ADAMTS17: variants seen among roughly 807,000 people sequenced by gnomAD.
ADAMTS17 encodes the protein ADAM metallopeptidase with thrombospondin type 1 motif 17.
A neutral mutation model predicts 141.5 loss-of-function variants in ADAMTS17; 113 were observed. That is an observed-to-expected ratio of 0.80 (90% CI 0.69 to 0.93). The LOEUF (loss-of-function observed/expected upper bound fraction) is 0.93. ADAMTS17 is among the 40% of genes least tolerant of loss of function. The pLI, the probability that ADAMTS17 is intolerant of heterozygous loss-of-function variation, is 0.00. For missense variants in ADAMTS17, 1,659 were observed against 1,517.9 expected, an observed-to-expected ratio of 1.09 and a Z score of -1.54; for synonymous variants, 768 against 630.6, an observed-to-expected ratio of 1.22 and a Z score of -3.27.
chr15:100,065,803 G>A (rs549764319), intron 15 of ADAMTS17, among the ~76,000 whole-genome samples: 46 of 152,190 alleles, frequency 3.0e-4, no homozygotes, highest in African/African-American at 8.9e-4. Flanking sequence ...TGCTGCACCC[G>A]TCAACCCATC....
At chr15:100,305,858 T>C (rs2045205402) in intron 3 of ADAMTS17, 1 of 152,224 alleles carries the variant, frequency 6.6e-6, no homozygotes, top group Non-Finnish European at 1.5e-5. Flanking sequence ...TCTAAAAATA[T>C]ATATAAATTT....
At chr15:100,023,078 A>C (rs1043804730) in intron 18 of ADAMTS17, among the ~76,000 whole-genome samples, 24 of 152,198 alleles carry the variant, frequency 1.6e-4, no homozygotes, top group African/African-American at 4.8e-4. Flanking sequence ...CACACAGGAG[A>C]CTGGCTGGCT....
chr15:99,981,769 T>TA (rs1419855681), intron 20 of ADAMTS17, among the ~76,000 whole-genome samples: 8 of 152,258 alleles, frequency 5.3e-5, no homozygotes, highest in African/African-American at 1.9e-4. Context: ...TGTTCTATAG[T>TA]AAGAGCTACT....
At chr15:100,241,247 T>C (rs1026481038) in intron 7 of ADAMTS17, among the ~76,000 whole-genome samples, 1 of 152,212 alleles carries the variant, frequency 6.6e-6, no homozygotes, top group African/African-American at 2.4e-5. Flanking sequence ...TTTTTAATTC[T>C]TCAGTAAAAA....
At chr15:100,158,860 C>A (rs77090649) in intron 8 of ADAMTS17, among the ~76,000 whole-genome samples, 3 of 152,034 alleles carry the variant, frequency 2.0e-5, no homozygotes, top group African/African-American at 7.2e-5. Flanking sequence ...CCAGCAGGCA[C>A]GTGAAAAGAT....
intron 7 of ADAMTS17, among the ~76,000 whole-genome samples, chr15:100,242,224 G>A (rs2042849242): frequency 6.6e-6 from 1 of 152,204 alleles, no homozygotes; most frequent in South Asian, 2.1e-4. Flanking sequence ...GCTTCGGCAT[G>A]ACTGACCTTG....
intron 8 of ADAMTS17, among the ~76,000 whole-genome samples, chr15:100,191,095 A>C (rs2040900488): frequency 6.6e-6 from 1 of 152,242 alleles, no homozygotes; most frequent in African/African-American, 2.4e-5. Flanking sequence ...AGAGTCTGGA[A>C]GTTCTGAGGG....
At chr15:100,316,914 A>C (rs542518019) in intron 3 of ADAMTS17, among the ~76,000 whole-genome samples, 2 of 152,334 alleles carry the variant, frequency 1.3e-5, no homozygotes, top group South Asian at 2.1e-4. Context: ...GGCTGTGTCC[A>C]TTCCCAGTCA....
chr15:100,198,743 C>G (rs193058746), intron 8 of ADAMTS17, among the ~76,000 whole-genome samples: 1 of 152,198 alleles, frequency 6.6e-6, no homozygotes, highest in East Asian at 1.9e-4. Context: ...ACCCCTCTGA[C>G]GCTCTGTTTC....
intron 20 of ADAMTS17, among the ~76,000 whole-genome samples, chr15:99,986,128 C>T (rs1034317692): frequency 6.6e-6 from 1 of 152,278 alleles, no homozygotes; most frequent in Non-Finnish European, 1.5e-5. Context: ...GTGGGGGCCA[C>T]AGCCAGGCAG....
chr15:100,325,849 G>C (rs149335792), intron 3 of ADAMTS17, among the ~76,000 whole-genome samples: 1 of 152,044 alleles, frequency 6.6e-6, no homozygotes, highest in East Asian at 1.9e-4. Flanking sequence ...AACACAAATC[G>C]ACTAACACAA....
In ADAMTS17 at chr15:100,254,142, T is replaced by C; in HGVS notation, c.1069A>G (p.Thr357Ala). The C allele has an allele frequency of 6.2e-7, 1 of 1,613,436 alleles. No homozygotes were observed. The highest frequency in any genetic ancestry group is 1.1e-5 in the South Asian group (1 of 91,060). The change falls in exon 7 of 22, where the codon ACT becomes GCT. Residue 357 changes from threonine to alanine, a missense_variant. Physicochemically the swap from Thr to Ala is moderately conservative, Grantham distance 58 (BLOSUM62 0). Transcript: ENST00000268070. ...ATTTCAACTCTAAACTTACCAACAG[T>C]GTCACACGGTTCATCCTTGTGTACA... Reference protein sequence around the residue: ...FCVHKDEPCDTVGIAYLGGVC... With the variant: ...FCVHKDEPCDAVGIAYLGGVC...
At chr15:100,081,970 GATA>G (rs1380848035) in intron 15 of ADAMTS17, among the ~76,000 whole-genome samples, 1 of 152,178 alleles carries the variant, frequency 6.6e-6, no homozygotes, top group Non-Finnish European at 1.5e-5. Context: ...ACTATAATTT[GATA>G]ATATTTGGAC....
intron 18 of ADAMTS17, among the ~76,000 whole-genome samples, chr15:100,021,864 C>CA: frequency 6.6e-6 from 1 of 152,226 alleles, no homozygotes; most frequent in Non-Finnish European, 1.5e-5. Context: ...CCTCTGCCTG[C>CA]ACGCCCTCCT....
chr15:100,055,651 T>C (rs557160375), intron 15 of ADAMTS17, among the ~76,000 whole-genome samples: 1 of 152,218 alleles, frequency 6.6e-6, no homozygotes, highest in East Asian at 1.9e-4. Flanking sequence ...GCCGAATCTG[T>C]TTCCCTTCAA....
chr15:100,055,236 G>A (rs995028415), intron 15 of ADAMTS17, among the ~76,000 whole-genome samples: 2 of 152,138 alleles, frequency 1.3e-5, no homozygotes, highest in African/African-American at 2.4e-5. Context: ...AGATTCTACT[G>A]CATTGACTGT....
In ADAMTS17 at chr15:99,973,622, A is replaced by C. The variant is rs2060256707; in HGVS notation, c.*780T>G. 6.6e-6 allele frequency: 1 copy of C among 152,192 alleles called. No homozygotes were observed. The highest frequency in any genetic ancestry group is 6.5e-5 in the Admixed American group (1 of 15,298). The allele number at this position is 152,192 out of a possible 1,614,324, so 9.4% of individuals were successfully genotyped here. A position where few individuals can be genotyped will look rare whatever the true frequency, so the allele number is the denominator to read the frequency against. On this transcript the variant is annotated 3_prime_UTR_variant, in exon 22 of 22. Transcript: ENST00000268070. The stretch of plus-strand genomic sequence containing the variant: ...CACCGCAATTACCGTTTCTTATGTC[A>C]CAGCACCTTGAAGAGAGGCCCTTCT...
chr15:100,042,728 C>T (rs2031359195), intron 18 of ADAMTS17, among the ~76,000 whole-genome samples: 1 of 152,148 alleles, frequency 6.6e-6, no homozygotes, highest in African/African-American at 2.4e-5. Flanking sequence ...TGTGGATCCC[C>T]TGGACAAGGG....
chr15:100,032,390 T>A (rs1338727637), intron 18 of ADAMTS17, among the ~76,000 whole-genome samples: 2 of 152,216 alleles, frequency 1.3e-5, no homozygotes, highest in Non-Finnish European at 2.9e-5. Context: ...GTCCTGAATT[T>A]TCATTTCTTT....
Sources: allele counts gnomAD v4.1 joint callset (sites outside exome capture counted in the v4.1 genomes callset), GRCh38; gene constraint gnomAD v4.1.1; transcripts MANE v1.5; gene names NCBI Gene and HGNC (gene_info 2026-07-23, HGNC 2026-07-21).